IPCEF1: variants seen among roughly 807,000 people sequenced by gnomAD.
The protein encoded by IPCEF1 is interactor protein for cytohesin exchange factors 1.
A neutral mutation model predicts 50.9 loss-of-function variants in IPCEF1; 31 were observed. The observed-to-expected ratio is 0.61, with a 90% CI of 0.46 to 0.82. IPCEF1 has a LOEUF of 0.82. Ranked by LOEUF, IPCEF1 falls within the 40% of genes least tolerant of loss-of-function variation. The pLI, the probability that IPCEF1 is intolerant of heterozygous loss-of-function variation, is 0.00. For missense variants in IPCEF1, 458 were observed against 514.0 expected (o/e 0.89, Z 1.05); for synonymous variants, 181 against 192.0 (o/e 0.94, Z 0.47).
rs989765733 is a variant in IPCEF1, at chr6:154,222,501, C to T, written c.320+669G>A. Among the ~76,000 whole-genome samples, 25 of 152,172 alleles carry T rather than the reference C, an allele frequency of 1.6e-4. 2 individuals are homozygous for T. Among genetic ancestry groups the T allele is most frequent in the Admixed American group, 1.2e-3 (19 of 15,286 alleles). On this transcript the variant is annotated intron_variant, in intron 6 of 11. Coordinates refer to ENST00000367220, the MANE Select transcript of IPCEF1 (RefSeq NM_001130700.2). ...AGAAAAAGGTGAAAATGGACACATA[C>T]GCAAAATATAGCAGACTGCTATCAT...
chr6:154,336,600 C>T (rs1783792342), intron 1 of IPCEF1, among the ~76,000 whole-genome samples: 1 of 151,920 alleles, frequency 6.6e-6, no homozygotes, highest in Non-Finnish European at 1.5e-5. Context: ...AGGAAAAGTT[C>T]TCTTTTTTTT....
At chr6:154,208,380 C>T (rs9479791) in intron 9 of IPCEF1, among the ~76,000 whole-genome samples, 24,267 of 152,146 alleles carry the variant, frequency 0.16, 2,232 homozygotes, top group African/African-American at 0.25. Flanking sequence ...GCTCAGATCT[C>T]AGCTCTCAGT....
intron 1 of IPCEF1, among the ~76,000 whole-genome samples, chr6:154,332,288 GTTT>G (rs59261360): frequency 6.1e-4 from 85 of 140,472 alleles, no homozygotes; most frequent in South Asian, 4.1e-3. Flanking sequence ...TGTGTGAGTG[GTTT>G]TTTTTTTTTT....
intron 1 of IPCEF1, among the ~76,000 whole-genome samples, chr6:154,314,249 A>T (rs1268606122): frequency 6.6e-6 from 1 of 152,220 alleles, no homozygotes; most frequent in Admixed American, 6.5e-5. Flanking sequence ...TAGATAAGAA[A>T]CTGAGAACAG....
rs140126547 is a variant in IPCEF1 at position 154,282,549 on chromosome 6, C to T, written c.-18+7164G>A. On this transcript the variant is annotated intron_variant, in intron 2 of 11. Transcript: ENST00000367220. ...CACACACAAAAAAATTAGGCGGGCACGGTGGCGGGCACCTGTAGTCCCAGC... is the reference window on the plus strand; with the variant it reads ...CACACACAAAAAAATTAGGCGGGCATGGTGGCGGGCACCTGTAGTCCCAGC... Among the ~76,000 whole-genome samples the T allele has an allele frequency of 6.6e-3, 996 of 151,668 alleles. 5 individuals carry two copies. Among genetic ancestry groups the T allele is most frequent in the Non-Finnish European group, 9.7e-3 (660 of 67,842 alleles).
At chr6:154,228,552 C>T (rs1387386618) in intron 5 of IPCEF1, among the ~76,000 whole-genome samples, 1 of 152,196 alleles carries the variant, frequency 6.6e-6, no homozygotes, top group Non-Finnish European at 1.5e-5. Flanking sequence ...GTTTTCCCAG[C>T]ATCTCTGATT....
At chr6:154,186,116 G>A (rs892376808) in intron 10 of IPCEF1, among the ~76,000 whole-genome samples, 10 of 152,164 alleles carry the variant, frequency 6.6e-5, no homozygotes, top group African/African-American at 2.2e-4. Context: ...ACAACTATAT[G>A]CTGAAGATTA....
chr6:154,273,724 C>CTTTTTTTTTTTTTTTTTTTTTTT (rs71021036), intron 2 of IPCEF1, among the ~76,000 whole-genome samples: 1 of 63,316 alleles, frequency 1.6e-5, no homozygotes, highest in Admixed American at 2.3e-4. Flanking sequence ...TTCTTTCTTT[C>CTTTTTTTTTTTTTTTTTTTTTTT]TTTTTTTTTT....
intron 10 of IPCEF1, among the ~76,000 whole-genome samples, chr6:154,173,920 G>A (rs890032663): frequency 1.1e-4 from 16 of 152,326 alleles, no homozygotes; most frequent in African/African-American, 3.8e-4. Flanking sequence ...GGCAGTCAGA[G>A]AGAAAGGTTG....
intron 1 of IPCEF1, among the ~76,000 whole-genome samples, chr6:154,321,480 G>C (rs1045454614): frequency 6.6e-6 from 1 of 151,684 alleles, no homozygotes; most frequent in Non-Finnish European, 1.5e-5. Context: ...AATATAAAAA[G>C]CATCCAAAAG....
At chr6:154,231,696 A>C (rs1779733661) in intron 5 of IPCEF1, among the ~76,000 whole-genome samples, 2 of 152,372 alleles carry the variant, frequency 1.3e-5, no homozygotes, top group Admixed American at 1.3e-4. Context: ...TTGCGAAAAG[A>C]AACATGGGAA....
At chr6:154,324,723 G>T (rs1015330632) in intron 1 of IPCEF1, among the ~76,000 whole-genome samples, 9 of 152,120 alleles carry the variant, frequency 5.9e-5, no homozygotes. Context: ...CAGGAGAATC[G>T]CTTGAACCCA....
chr6:154,353,829 C>T (rs1784158268), intron 1 of IPCEF1, among the ~76,000 whole-genome samples: 1 of 152,192 alleles, frequency 6.6e-6, no homozygotes, highest in Non-Finnish European at 1.5e-5. Flanking sequence ...CTTAGCATTA[C>T]ATCATGAGAC....
chr6:154,322,305 C>T (rs114342560), intron 1 of IPCEF1, among the ~76,000 whole-genome samples: 8,916 of 151,784 alleles, frequency 0.059, 895 homozygotes, highest in African/African-American at 0.2. Flanking sequence ...TCACTTCAGG[C>T]CAGGAGCTGA....
chr6:154,298,349 G>A (rs574554698), intron 1 of IPCEF1, among the ~76,000 whole-genome samples: 73 of 152,248 alleles, frequency 4.8e-4, no homozygotes, highest in African/African-American at 1.6e-3. Flanking sequence ...TTGATGTAAC[G>A]ATTTCCCAAG....
At chr6:154,344,823 T>G (rs553113446) in intron 1 of IPCEF1, among the ~76,000 whole-genome samples, 55 of 152,308 alleles carry the variant, frequency 3.6e-4, no homozygotes, top group African/African-American at 1.1e-3. Flanking sequence ...TCTCTCTAAC[T>G]TTTAGCATAC....
At chr6:154,276,078 G>A (rs1480311411) in intron 2 of IPCEF1, among the ~76,000 whole-genome samples, 2 of 152,050 alleles carry the variant, frequency 1.3e-5, no homozygotes, top group Non-Finnish European at 2.9e-5. Context: ...CAGCTACCCG[G>A]GAGGCTGAAG....
In IPCEF1 at chr6:154,214,220, T is replaced by G. The variant is rs771407698; in HGVS notation, c.449A>C (p.Glu150Ala). The change falls in exon 8 of 12, where the codon GAA becomes GCA. Residue 150 changes from glutamate (E) to alanine (A), a missense_variant and splice_region_variant. Glu to Ala is a moderately radical substitution (Grantham distance 107, BLOSUM62 -1). Coordinates refer to ENST00000367220, the MANE Select transcript of IPCEF1 (RefSeq NM_001130700.2). Reference sequence around the variant, plus strand: ...CAGAAATTTAAAATAGAACATACCTTCATCCTTTGTAGTGGATTCCTGATG... The same window carrying G: ...CAGAAATTTAAAATAGAACATACCTGCATCCTTTGTAGTGGATTCCTGATG... Reference protein sequence around the residue: ...VIHQESTTKDEECYSESEQED... With the variant: ...VIHQESTTKDAECYSESEQED... 1 of 1,597,846 alleles carries G rather than the reference T, an allele frequency of 6.3e-7. No homozygotes were observed. The highest frequency in any genetic ancestry group is 8.6e-7 in the Non-Finnish European group (1 of 1,165,154).
intron 1 of IPCEF1, among the ~76,000 whole-genome samples, chr6:154,344,028 A>G (rs946870680): frequency 8.5e-5 from 13 of 152,180 alleles, no homozygotes; most frequent in Admixed American, 8.5e-4. Flanking sequence ...TACGTGAATG[A>G]CATGCCTAGT....
Sources: gnomAD v4.1 joint callset for allele counts (sites outside exome capture counted in the v4.1 genomes callset) on GRCh38, gnomAD v4.1.1 for gene constraint, MANE v1.5 for transcripts, NCBI Gene and HGNC (gene_info 2026-07-23, HGNC 2026-07-21) for gene names.